CFAP299: variants seen among roughly 807,000 people sequenced by gnomAD.
CFAP299 encodes cilia- and flagella-associated protein 299.
CFAP299 carries 21 observed loss-of-function variants against 27.0 expected under a neutral mutation model. The ratio of observed to expected loss-of-function variants is 0.78; its 90% CI spans 0.55 to 1.12. The LOEUF (loss-of-function observed/expected upper bound fraction) is 1.12. Ranked by LOEUF, CFAP299 falls within the 50% of genes most tolerant of loss-of-function variation. The probability of loss-of-function intolerance (pLI) is 0.00; values close to 1 mark genes in which losing one functional copy is unlikely to be tolerated. For synonymous variants in CFAP299, 104 were observed against 98.1 expected (o/e 1.06, Z -0.36); for missense variants, 310 against 276.6 (o/e 1.12, Z -0.86).
At chr4:80,920,288 A>G (rs1301107395) in intron 4 of CFAP299, among the ~76,000 whole-genome samples, 1 of 152,132 alleles carries the variant, frequency 6.6e-6, no homozygotes, top group East Asian at 1.9e-4. Context: ...ATCCTATTCA[A>G]GATGGAAACA....
intron 3 of CFAP299, among the ~76,000 whole-genome samples, chr4:80,786,545 G>A (rs1332425847): frequency 6.6e-6 from 1 of 152,000 alleles, no homozygotes; most frequent in African/African-American, 2.4e-5. Context: ...TAAAAGTTTG[G>A]CCAAACCTAA....
rs538712818 is a variant in CFAP299, at chr4:80,663,123, A to T, written c.333+79940A>T. Among the ~76,000 whole-genome samples the T allele has an allele frequency of 1.3e-3, 196 of 151,956 alleles. 1 individual carries two copies. The highest frequency in any genetic ancestry group is 4.1e-3 in the African/African-American group (170 of 41,470). Reference sequence around the variant, plus strand: ...CTATTATATATACTTTGCCATTTTTAAAATTTTTTTATTATTATTTCTTAA... The same window carrying T: ...CTATTATATATACTTTGCCATTTTTTAAATTTTTTTATTATTATTTCTTAA... On this transcript the variant is annotated intron_variant, in intron 3 of 5. Coordinates refer to ENST00000358105, the MANE Select transcript of CFAP299 (RefSeq NM_152770.3).
At chr4:80,404,020 C>G (rs1232585225) in intron 2 of CFAP299, among the ~76,000 whole-genome samples, 1 of 152,044 alleles carries the variant, frequency 6.6e-6, no homozygotes, top group African/African-American at 2.4e-5. Flanking sequence ...TACCCGTGGC[C>G]TAGCCTAAGA....
At chr4:80,667,766 A>C (rs1484327784) in intron 3 of CFAP299, among the ~76,000 whole-genome samples, 1 of 152,184 alleles carries the variant, frequency 6.6e-6, no homozygotes, top group East Asian at 1.9e-4. Flanking sequence ...TGTTGTGAAT[A>C]GTGCTGCAAT....
chr4:80,336,270 C>T (rs765401466), intron 1 of CFAP299, among the ~76,000 whole-genome samples: 1 of 152,210 alleles, frequency 6.6e-6, no homozygotes, highest in African/African-American at 2.4e-5. Context: ...TTTCTCTCTG[C>T]TTTGCCAATT....
At chr4:80,453,898 C>T (rs564584531) in intron 2 of CFAP299, among the ~76,000 whole-genome samples, 77 of 146,414 alleles carry the variant, frequency 5.3e-4, no homozygotes, top group African/African-American at 1.4e-3. Context: ...ATCTTGCAAG[C>T]GTGATTTTCA....
chr4:80,450,307 G>T (rs1728838170), intron 2 of CFAP299, among the ~76,000 whole-genome samples: 1 of 152,118 alleles, frequency 6.6e-6, no homozygotes, highest in Non-Finnish European at 1.5e-5. Flanking sequence ...TGATATATGT[G>T]CCAAATATAA....
chr4:80,351,672 G>A (rs979230056), intron 1 of CFAP299, among the ~76,000 whole-genome samples: 11 of 151,662 alleles, frequency 7.3e-5, no homozygotes, highest in African/African-American at 2.7e-4. Context: ...AGCAGAGATG[G>A]TCAGAATAGA....
intron 2 of CFAP299, among the ~76,000 whole-genome samples, chr4:80,453,576 C>G (rs1728996421): frequency 6.6e-6 from 1 of 152,000 alleles, no homozygotes; most frequent in Non-Finnish European, 1.5e-5. Context: ...TATGGTGGCT[C>G]ACGCCTGTAA....
intron 3 of CFAP299, among the ~76,000 whole-genome samples, chr4:80,840,659 A>G (rs137974933): frequency 5.7e-4 from 86 of 152,202 alleles, no homozygotes; most frequent in African/African-American, 2.0e-3. Flanking sequence ...CTAGCATGAT[A>G]CATAAGAGTT....
chr4:80,639,525 A>G (rs2109957043), intron 3 of CFAP299, among the ~76,000 whole-genome samples: 1 of 152,330 alleles, frequency 6.6e-6, no homozygotes, highest in Admixed American at 6.5e-5. Context: ...GTGACAGAAA[A>G]TCATTAAACC....
At chr4:80,725,161 G>A (rs2110049567) in intron 3 of CFAP299, among the ~76,000 whole-genome samples, 1 of 114,014 alleles carries the variant, frequency 8.8e-6, no homozygotes, top group South Asian at 3.0e-4. Flanking sequence ...TCACCACGTT[G>A]GCCAGGCTGG....
intron 1 of CFAP299, among the ~76,000 whole-genome samples, chr4:80,350,744 G>A (rs995439387): frequency 6.6e-6 from 1 of 152,022 alleles, no homozygotes; most frequent in Non-Finnish European, 1.5e-5. Context: ...GAGAACGCAC[G>A]GACACACAGA....
intron 4 of CFAP299, among the ~76,000 whole-genome samples, chr4:80,902,118 T>C (rs775762389): frequency 6.6e-6 from 1 of 151,950 alleles, no homozygotes; most frequent in Non-Finnish European, 1.5e-5. Flanking sequence ...CACTGAAGGA[T>C]GTTCTGAAGT....
In CFAP299 at chr4:80,778,016, CTTT is replaced by C. The variant is rs988049380; in HGVS notation, c.334-91976_334-91974del. Reference sequence around the variant, plus strand: ...AAGAGAAAAAAATTTACTTTTAGCTCTTTGAGTTGAACAAAATTAGCTTACACT... The same window carrying C: ...AAGAGAAAAAAATTTACTTTTAGCTCGAGTTGAACAAAATTAGCTTACACT... On this transcript the variant is annotated intron_variant, in intron 3 of 5. Coordinates refer to ENST00000358105, the MANE Select transcript of CFAP299 (RefSeq NM_152770.3). 4.6e-5 allele frequency among the ~76,000 whole-genome samples: 7 copies of C among 152,190 alleles called. 1 individual carries two copies. Among genetic ancestry groups the C allele is most frequent in the African/African-American group, 1.7e-4 (7 of 41,540 alleles).
intron 2 of CFAP299, among the ~76,000 whole-genome samples, chr4:80,392,102 T>C (rs1422890325): frequency 6.6e-6 from 1 of 152,228 alleles, no homozygotes. Flanking sequence ...TTCTTTGGCC[T>C]GTAGCCCTTT....
chr4:80,841,831 T>C (rs1425971680), intron 3 of CFAP299, among the ~76,000 whole-genome samples: 2 of 152,072 alleles, frequency 1.3e-5, no homozygotes, highest in Non-Finnish European at 2.9e-5. Flanking sequence ...CAAAATAGAT[T>C]GAGAGGCCTT....
At chr4:80,745,111 C>T (rs192027935) in intron 3 of CFAP299, among the ~76,000 whole-genome samples, 16 of 130,906 alleles carry the variant, frequency 1.2e-4, no homozygotes, top group Admixed American at 9.0e-4. Flanking sequence ...GATGTTTGAA[C>T]GAGAAAGCAA....
chr4:80,324,471 A>G, the CFAP299 span, among the ~76,000 whole-genome samples: 1 of 152,248 alleles, frequency 6.6e-6, no homozygotes, highest in African/African-American at 2.4e-5. Flanking sequence ...TGCATTACAC[A>G]TGATATCAAA....
Sources: gnomAD v4.1 joint callset for allele counts (sites outside exome capture counted in the v4.1 genomes callset) on GRCh38, gnomAD v4.1.1 for gene constraint, MANE v1.5 for transcripts, NCBI Gene and HGNC (gene_info 2026-07-23, HGNC 2026-07-21) for gene names.